ICA1: variants seen among roughly 807,000 people sequenced by gnomAD.
ICA1 encodes the protein 69 kDa islet cell autoantigen.
Under a neutral mutation model 71.0 loss-of-function variants are expected in ICA1, and 40 were observed. The ratio of observed to expected loss-of-function variants is 0.56; its 90% CI spans 0.44 to 0.73. ICA1 has a LOEUF of 0.73. Ranked by LOEUF, ICA1 falls within the 30% of genes least tolerant of loss-of-function variation. ICA1 has a pLI of 0.00. For synonymous variants in ICA1, 207 were observed against 209.5 expected (o/e 0.99, Z 0.10); for missense variants, 578 against 576.5 (o/e 1.00, Z -0.03).
At chr7:8,120,236 CAATT>C (rs1786373665) in intron 13 of ICA1, among the ~76,000 whole-genome samples, 1 of 152,174 alleles carries the variant, frequency 6.6e-6, no homozygotes, top group South Asian at 2.1e-4. Flanking sequence ...TTTCTCCGAA[CAATT>C]ATTAAGCATC....
intron 6 of ICA1, among the ~76,000 whole-genome samples, chr7:8,163,228 T>C (rs151199909): frequency 1.3e-5 from 2 of 152,330 alleles, no homozygotes; most frequent in East Asian, 3.9e-4. Flanking sequence ...TAGCCCCAAA[T>C]TGAACAACGC....
At chr7:8,206,460 C>T (rs544716159) in intron 6 of ICA1, among the ~76,000 whole-genome samples, 124 of 152,312 alleles carry the variant, frequency 8.1e-4, no homozygotes, top group Admixed American at 1.6e-3. Flanking sequence ...TAAAAACCCT[C>T]CCCATTTTTG....
intron 1 of ICA1, among the ~76,000 whole-genome samples, chr7:8,237,089 G>A (rs1387365067): frequency 6.6e-6 from 1 of 152,228 alleles, no homozygotes; most frequent in Non-Finnish European, 1.5e-5. Context: ...GAGAGAGGAA[G>A]AAGAGAATTT....
chr7:8,137,664 C>G (rs144672326), intron 12 of ICA1, among the ~76,000 whole-genome samples: 1 of 152,266 alleles, frequency 6.6e-6, no homozygotes, highest in Non-Finnish European at 1.5e-5. Context: ...AATGATTAGT[C>G]ATTTTGATAA....
chr7:8,195,360 G>A (rs765973177), intron 6 of ICA1, among the ~76,000 whole-genome samples: 30 of 152,072 alleles, frequency 2.0e-4, no homozygotes, highest in Non-Finnish European at 4.0e-4. Flanking sequence ...GGCCATCATG[G>A]TGAAACCCTG....
Position 8,218,513 on chromosome 7 carries a change from A to T in ICA1, c.381-10T>A. On this transcript the variant is annotated splice_polypyrimidine_tract_variant and intron_variant, in intron 5 of 13. Transcript: ENST00000402384. Reference sequence around the variant, plus strand: ...ATTTCGTAAGGCCAACCTAGACAAGAGGACAAAGCCACACTCTCAAAACTA... The same window carrying T: ...ATTTCGTAAGGCCAACCTAGACAAGTGGACAAAGCCACACTCTCAAAACTA... The T allele has an allele frequency of 6.2e-7, 1 of 1,613,412 alleles. No homozygotes were observed. The highest frequency in any genetic ancestry group is 8.5e-7 in the Non-Finnish European group (1 of 1,179,384).
chr7:8,253,860 T>A (rs939243231), intron 1 of ICA1, among the ~76,000 whole-genome samples: 2 of 152,130 alleles, frequency 1.3e-5, no homozygotes, highest in African/African-American at 4.8e-5. Flanking sequence ...GAATGGTTAA[T>A]AATAACAGTG....
rs1274973160 is a variant in ICA1, at chr7:8,144,012, A to AT, written c.805-41_805-40insA. On this transcript the variant is annotated intron_variant, in intron 8 of 13. Transcript: ENST00000402384. This position sits in a 1 kb window ranked among gnomAD's most constrained non-coding sequence, Gnocchi z 4.5. ...ATAGAAAAATGAAAAAGAAAAAAAAAGAAGAAGAAATAGAGACAAAAAAAA... is the reference window on the plus strand; with the variant it reads ...ATAGAAAAATGAAAAAGAAAAAAAAATGAAGAAGAAATAGAGACAAAAAAAA... 8.7e-7 allele frequency: 1 copy of AT among 1,145,380 alleles called. No individual in the cohort carries two copies. 71.0% of individuals were successfully genotyped at this position (1,145,380 alleles called of 1,614,324 possible).
chr7:8,184,597 C>T (rs1017560938), intron 6 of ICA1, among the ~76,000 whole-genome samples: 3 of 152,232 alleles, frequency 2.0e-5, no homozygotes, highest in Admixed American at 2.0e-4. Context: ...AAAATAATCC[C>T]TTTAGAATAC....
chr7:8,253,046 T>G (rs1313283651), intron 1 of ICA1, among the ~76,000 whole-genome samples: 1 of 152,132 alleles, frequency 6.6e-6, no homozygotes, highest in Non-Finnish European at 1.5e-5. Context: ...GCCAAAAATA[T>G]TTTACTACTA....
At chr7:8,125,085 G>A (rs536443155) in intron 13 of ICA1, among the ~76,000 whole-genome samples, 5 of 152,168 alleles carry the variant, frequency 3.3e-5, no homozygotes, top group South Asian at 2.1e-4. Flanking sequence ...CACCTTGCCC[G>A]GGTGGTAACT....
chr7:8,196,339 C>T (rs1421185505), intron 6 of ICA1, among the ~76,000 whole-genome samples: 1 of 152,184 alleles, frequency 6.6e-6, no homozygotes, highest in East Asian at 1.9e-4. Context: ...TCAGTGCTTG[C>T]CAGGCGCTCA....
intron 12 of ICA1, 149 bp from the exon 13 acceptor site, chr7:8,128,291 C>T: frequency 1.2e-6 from 1 of 803,014 alleles, no homozygotes; most frequent in Non-Finnish European, 1.9e-6. Flanking sequence ...ATTATTATAG[C>T]CTCTCTTAAG....
At chr7:8,177,124 A>G (rs1350519826) in intron 6 of ICA1, among the ~76,000 whole-genome samples, 1 of 152,220 alleles carries the variant, frequency 6.6e-6, no homozygotes, top group Admixed American at 6.5e-5. Flanking sequence ...ATTTTAAAAT[A>G]CAAACTATTA....
chr7:8,213,402 C>G (rs147955348), intron 6 of ICA1, among the ~76,000 whole-genome samples: 1 of 152,324 alleles, frequency 6.6e-6, no homozygotes, highest in Non-Finnish European at 1.5e-5. Flanking sequence ...TCACTCAACA[C>G]AACTCACTGG....
chr7:8,189,701 G>C (rs925664367), intron 6 of ICA1, among the ~76,000 whole-genome samples: 5 of 152,108 alleles, frequency 3.3e-5, no homozygotes, highest in African/African-American at 1.2e-4. Context: ...TGCAGTCCGA[G>C]GGGCAGGTGG....
In ICA1 at chr7:8,144,481, A is replaced by G. The variant is rs545573287; in HGVS notation, c.805-509T>C. Among the ~76,000 whole-genome samples, 77 of 152,244 alleles carry G rather than the reference A, an allele frequency of 5.1e-4. No homozygotes were observed. The highest frequency in any genetic ancestry group is 1.1e-3 in the Non-Finnish European group (74 of 68,042). The stretch of plus-strand genomic sequence containing the variant: ...ACAGAAAACAAAACCTTTTCTTAAA[A>G]AACCAAAAATAGTGGCTTAACATAT... On this transcript the variant is annotated intron_variant, in intron 8 of 13. Coordinates refer to ENST00000402384, the MANE Select transcript of ICA1 (RefSeq NM_001136020.3). This position sits in a 1 kb window ranked among gnomAD's most constrained non-coding sequence, Gnocchi z 4.5.
intron 12 of ICA1, among the ~76,000 whole-genome samples, chr7:8,128,392 T>C (rs574865904): frequency 1.3e-5 from 2 of 152,382 alleles, no homozygotes; most frequent in African/African-American, 2.4e-5. Context: ...TCTAGGATTT[T>C]GGTTTTTCTT....
rs1323406542 is a variant in ICA1, at chr7:8,221,284, G to A, written c.371C>T (p.Ser124Phe). 1.9e-6 allele frequency: 3 copies of A among 1,613,394 alleles called. No homozygotes were observed. The change falls in exon 5 of 14, where the codon TCC (serine) becomes TTC (phenylalanine). Residue 124 changes from serine to phenylalanine, a missense_variant. Coordinates refer to ENST00000402384, the MANE Select transcript of ICA1 (RefSeq NM_001136020.3). ...QATGKALCFSSQQRLALRNPL... is the reference protein window; with the variant it reads ...QATGKALCFSFQQRLALRNPL... ...ACTAAAGGCCACACACCTTTGCTGG[G>A]AAGAAAAGCAGAGGGCCTTTCCTGT...
Sources: gnomAD v4.1 joint callset for allele counts (sites outside exome capture counted in the v4.1 genomes callset) on GRCh38, gnomAD v4.1.1 for gene constraint, Gnocchi (gnomAD v3.1) non-coding constraint, MANE v1.5 for transcripts, NCBI Gene and HGNC (gene_info 2026-07-23, HGNC 2026-07-21) for gene names.